The following PICALM variants were observed in gnomAD, a reference collection of about 807,000 sequenced individuals.
PICALM encodes the protein phosphatidylinositol-binding clathrin assembly protein.
PICALM carries 40 observed loss-of-function variants against 80.5 expected under a neutral mutation model. That is an observed-to-expected ratio of 0.50 (90% CI 0.39 to 0.65). The LOEUF (loss-of-function observed/expected upper bound fraction) is 0.65. Among genes scored for constraint, PICALM ranks in the 30% least tolerant of loss-of-function variants. The pLI is 0.00. For missense variants in PICALM, 676 were observed against 778.9 expected, an observed-to-expected ratio of 0.87 and a Z score of 1.57; for synonymous variants, 288 against 260.3, an observed-to-expected ratio of 1.11 and a Z score of -1.02.
At chr11:85,994,146 AAC>A (rs369530220) in intron 12 of PICALM, among the ~76,000 whole-genome samples, 245 of 152,314 alleles carry the variant, frequency 1.6e-3, no homozygotes, top group African/African-American at 5.6e-3. Flanking sequence ...TCAAATATTC[AAC>A]AGTGTACCAA....
At position 85,958,033 on chromosome 11, in the gene PICALM, C is replaced by G. The variant is rs937456073; in HGVS notation, c.*1013G>C. 1 of 226,128 alleles carries G rather than the reference C, an allele frequency of 4.4e-6. No homozygotes were observed. Among genetic ancestry groups the G allele is most frequent in the Non-Finnish European group, 8.8e-6 (1 of 113,598 alleles). 14.0% of individuals were successfully genotyped at this position (226,128 alleles called of 1,614,324 possible). On this transcript the variant is annotated 3_prime_UTR_variant, in exon 20 of 20. Transcript: ENST00000393346. ...CAAGGACTTTGCCCCCCTTCCCTCCCCCTTGTAACACCTTCTAGAGTTTTA... is the reference window on the plus strand; with the variant it reads ...CAAGGACTTTGCCCCCCTTCCCTCCGCCTTGTAACACCTTCTAGAGTTTTA...
chr11:86,068,570 T>C (rs1440679344), intron 1 of PICALM, 81 bp downstream of exon 1: 6 of 1,358,772 alleles, frequency 4.4e-6, no homozygotes, highest in Non-Finnish European at 6.0e-6. Flanking sequence ...AGTAGAAGGG[T>C]GAAAGACAAG....
At chr11:85,982,670 A>T (rs997130260) in intron 14 of PICALM, among the ~76,000 whole-genome samples, 3 of 143,424 alleles carry the variant, frequency 2.1e-5, no homozygotes, top group African/African-American at 7.9e-5. Flanking sequence ...CTCATGATCC[A>T]CCCGCCTCGG....
chr11:86,033,569 C>T (rs1267570515), intron 1 of PICALM, among the ~76,000 whole-genome samples: 2 of 152,178 alleles, frequency 1.3e-5, no homozygotes, highest in South Asian at 2.1e-4. Flanking sequence ...TGAATATTTA[C>T]GCAAAATAAC....
chr11:85,963,920 C>CTTTTTTTTT lies in PICALM; in HGVS notation c.1945-4869_1945-4861dup, dbSNP rs10686143. Among the ~76,000 whole-genome samples the CTTTTTTTTT allele has an allele frequency of 8.0e-3, 582 of 72,824 alleles. 15 individuals are homozygous for CTTTTTTTTT. Among genetic ancestry groups the CTTTTTTTTT allele is most frequent in the Non-Finnish European group, 8.9e-3 (350 of 39,458 alleles). 47.8% of individuals were successfully genotyped at this position (72,824 alleles called of 152,430 possible). ...TACAGGCATGCACCACCACACCTGGCTTTTTTTTTTTTTTTTTTTTTTTAT... is the reference window on the plus strand; with the variant it reads ...TACAGGCATGCACCACCACACCTGGCTTTTTTTTTTTTTTTTTTTTTTTTTTTTTTTTAT... On this transcript the variant is annotated intron_variant, in intron 19 of 19. Transcript: ENST00000393346.
chr11:86,049,520 A>C (rs1278717600), intron 1 of PICALM, among the ~76,000 whole-genome samples: 1 of 152,062 alleles, frequency 6.6e-6, no homozygotes, highest in Non-Finnish European at 1.5e-5. Context: ...AGTAACTGTT[A>C]ATTGGAGAAA....
Position 85,958,020 on chromosome 11 carries a change from C to A in PICALM, c.*1026G>T, listed in dbSNP as rs2093576097. On this transcript the variant is annotated 3_prime_UTR_variant, in exon 20 of 20. Coordinates refer to ENST00000393346, the MANE Select transcript of PICALM (RefSeq NM_007166.4). ...CAAAGAAAATGTTCAAGGACTTTGC[C>A]CCCCTTCCCTCCCCCTTGTAACACC... The A allele has an allele frequency of 4.4e-6, 1 of 224,914 alleles. No individual in the cohort carries two copies. Among genetic ancestry groups the A allele is most frequent in the South Asian group, 1.8e-4 (1 of 5,424 alleles). The allele number at this position is 224,914 out of a possible 1,614,324, so 13.9% of individuals were successfully genotyped here. A position where few individuals can be genotyped will look rare whatever the true frequency, so the allele number is the denominator to read the frequency against.
chr11:85,973,916 G>A (rs192519687), intron 19 of PICALM, among the ~76,000 whole-genome samples: 6 of 151,880 alleles, frequency 4.0e-5, no homozygotes, highest in East Asian at 1.9e-4. Context: ...AAAACAGTAC[G>A]AGCAGAGCCA....
intron 1 of PICALM, among the ~76,000 whole-genome samples, chr11:86,065,179 C>CTCA (rs1189656186): frequency 6.6e-6 from 1 of 152,096 alleles, no homozygotes; most frequent in Non-Finnish European, 1.5e-5. Flanking sequence ...GGCACAGTGG[C>CTCA]TCACACGTCT....
chr11:86,026,683 G>A (rs2095653941), intron 2 of PICALM, among the ~76,000 whole-genome samples: 1 of 152,038 alleles, frequency 6.6e-6, no homozygotes, highest in Non-Finnish European at 1.5e-5. Context: ...ATTTTTAGGT[G>A]GCATCTGTAT....
intron 13 of PICALM, among the ~76,000 whole-genome samples, chr11:85,986,863 T>TTA (rs1229925759): frequency 6.6e-6 from 1 of 152,220 alleles, no homozygotes; most frequent in Non-Finnish European, 1.5e-5. Flanking sequence ...TATCATTACA[T>TTA]TGTCCTGCTT....
At chr11:86,039,458 G>A (rs2095908645) in intron 1 of PICALM, among the ~76,000 whole-genome samples, 1 of 152,096 alleles carries the variant, frequency 6.6e-6, no homozygotes, top group African/African-American at 2.4e-5. Context: ...CACCAGAAAT[G>A]TAAAAATAAT....
chr11:86,003,401 T>C lies in PICALM; in HGVS notation c.858A>G (p.Glu286=), dbSNP rs1337384001. The change falls in exon 9 of 20, where the codon GAA becomes GAG. Residue 286 remains glutamate (E), a synonymous_variant. Coordinates refer to ENST00000393346, the MANE Select transcript of PICALM (RefSeq NM_007166.4). The part of the protein sequence containing the change: ...DALEQHLASL[E]GKKIKDSTAA... ...CTGTAGAATCTTTGATTTTCTTTCCTTCCAAGGAAGCTAAATGTTGTTCCA... is the reference window on the plus strand; with the variant it reads ...CTGTAGAATCTTTGATTTTCTTTCCCTCCAAGGAAGCTAAATGTTGTTCCA... The C allele has an allele frequency of 3.1e-6, 5 of 1,596,372 alleles. No individual in the cohort carries two copies. The African/African-American group carries it at 5.4e-5, about 17-fold the overall frequency.
At chr11:85,962,945 T>A in intron 19 of PICALM, among the ~76,000 whole-genome samples, 1 of 151,600 alleles carries the variant, frequency 6.6e-6, no homozygotes, top group South Asian at 2.1e-4. Context: ...CCCCAGAGAG[T>A]AAATAAGAGA....
chr11:86,035,821 G>A (rs774071257), intron 1 of PICALM, among the ~76,000 whole-genome samples: 9 of 151,414 alleles, frequency 5.9e-5, no homozygotes, highest in East Asian at 1.9e-4. Flanking sequence ...GGTGGCACAC[G>A]CCTGTAATCC....
intron 4 of PICALM, among the ~76,000 whole-genome samples, chr11:86,020,162 T>A (rs993662527): frequency 2.0e-5 from 3 of 152,124 alleles, no homozygotes; most frequent in Admixed American, 2.0e-4. Context: ...ATTAAATGCA[T>A]CTTCTGCATT....
chr11:86,004,857 C>T (rs1248207485), intron 8 of PICALM, among the ~76,000 whole-genome samples: 1 of 152,180 alleles, frequency 6.6e-6, no homozygotes, highest in East Asian at 1.9e-4. Flanking sequence ...CCAAATACTA[C>T]ATTGGAAGAT....
At chr11:85,963,943 T>TTTTTTTTTA (rs1555002813) in intron 19 of PICALM, among the ~76,000 whole-genome samples, 4 of 146,436 alleles carry the variant, frequency 2.7e-5, no homozygotes, top group South Asian at 2.2e-4. Context: ...TTTTTTTTTT[T>TTTTTTTTTA]ATTAAAGTTA....
intron 1 of PICALM, among the ~76,000 whole-genome samples, chr11:86,063,673 C>T (rs2137778424): frequency 6.6e-6 from 1 of 152,278 alleles, no homozygotes; most frequent in Middle Eastern, 3.4e-3. Context: ...ATGCCTCAGG[C>T]ATTTGACATG....
Sources: gnomAD v4.1 joint callset for allele counts (sites outside exome capture counted in the v4.1 genomes callset) on GRCh38, gnomAD v4.1.1 for gene constraint, MANE v1.5 for transcripts, NCBI Gene and HGNC (gene_info 2026-07-23, HGNC 2026-07-21) for gene names.